The following RSPRY1 variants were observed in gnomAD, a reference collection of about 807,000 sequenced individuals.
The protein encoded by RSPRY1 is ring finger and SPRY domain containing 1.
A neutral mutation model predicts 73.1 loss-of-function variants in RSPRY1; 23 were observed. The observed-to-expected ratio is 0.31, with a 90% CI of 0.23 to 0.45. The LOEUF (loss-of-function observed/expected upper bound fraction) is 0.45. Among genes scored for constraint, RSPRY1 ranks in the 20% least tolerant of loss-of-function variants. The probability of loss-of-function intolerance (pLI) is 1.00; values close to 1 mark genes in which losing one functional copy is unlikely to be tolerated. For missense variants in RSPRY1, 448 were observed against 698.7 expected (o/e 0.64, Z 4.05); for synonymous variants, 226 against 251.4 (o/e 0.90, Z 0.95).
chr16:57,197,307 T>G (rs1043189490), intron 1 of RSPRY1, among the ~76,000 whole-genome samples: 1 of 152,236 alleles, frequency 6.6e-6, no homozygotes, highest in Non-Finnish European at 1.5e-5. Flanking sequence ...TCATCTACTT[T>G]GTTCATTTAT....
At chr16:57,227,282 C>G (rs1173932576) in intron 10 of RSPRY1, 60 bp from the exon 11 acceptor site, 1 of 1,139,970 alleles carries the variant, frequency 8.8e-7, no homozygotes. Context: ...AAGACACACT[C>G]TCTGTTCCCA....
chr16:57,200,434 CGG>C (rs2074549936), intron 1 of RSPRY1, among the ~76,000 whole-genome samples: 1 of 152,056 alleles, frequency 6.6e-6, no homozygotes, highest in African/African-American at 2.4e-5. Context: ...ATCTCCCAGA[CGG>C]GGTGGTGGCC....
rs536856628 is a variant in RSPRY1, at chr16:57,215,917, A to G, written c.703-190A>G. ...ACTTTAAGAAAAAAATACAAGATTA[A>G]GAGAGCCTGTCCAGTTCATTACTAA... On this transcript the variant is annotated intron_variant, in intron 6 of 14. Coordinates refer to ENST00000394420, the MANE Select transcript of RSPRY1 (RefSeq NM_133368.3). Among the ~76,000 whole-genome samples the G allele has an allele frequency of 1.0e-3, 152 of 152,340 alleles. 2 individuals are homozygous for G. Among genetic ancestry groups the G allele is most frequent in the Admixed American group, 9.9e-3 (151 of 15,300 alleles).
chr16:57,213,122 G>A, intron 5 of RSPRY1, 24 bp downstream of exon 5: 1 of 1,596,426 alleles, frequency 6.3e-7, no homozygotes, highest in Non-Finnish European at 8.5e-7. Context: ...ACTCCACAGT[G>A]GAAGATCTTA....
At chr16:57,208,969 C>G (rs1275311857) in intron 3 of RSPRY1, 106 bp from the exon 4 acceptor site, 6 of 734,954 alleles carry the variant, frequency 8.2e-6, no homozygotes, top group Non-Finnish European at 1.3e-5. Context: ...TGCTAAAAAT[C>G]TATAGACCAA....
At chr16:57,201,874 A>T (rs1282936167) in intron 1 of RSPRY1, among the ~76,000 whole-genome samples, 1 of 152,222 alleles carries the variant, frequency 6.6e-6, no homozygotes, top group African/African-American at 2.4e-5. Flanking sequence ...CAGGAGAATC[A>T]GGCAGGGAGT....
At position 57,208,026 on chromosome 16, in the gene RSPRY1, T is replaced by A. The variant is rs758901790; in HGVS notation, c.351-32T>A. 3.8e-5 allele frequency: 52 copies of A among 1,376,032 alleles called. No individual in the cohort carries two copies. In the South Asian group the frequency reaches 6.1e-4, roughly 16 times the overall value. 85.2% of individuals were successfully genotyped at this position (1,376,032 alleles called of 1,614,324 possible). On this transcript the variant is annotated intron_variant, in intron 2 of 14. Transcript: ENST00000394420. Reference sequence around the variant, plus strand: ...TTTGGAATTGTCATTTATTATTTCCTCAGGTTTAATGCCTTGAATTTTTTT... The same window carrying A: ...TTTGGAATTGTCATTTATTATTTCCACAGGTTTAATGCCTTGAATTTTTTT...
At chr16:57,194,815 T>C (rs2074410972) in intron 1 of RSPRY1, among the ~76,000 whole-genome samples, 1 of 152,220 alleles carries the variant, frequency 6.6e-6, no homozygotes, top group Non-Finnish European at 1.5e-5. Context: ...GAATCATTGA[T>C]TCCTGGACCA....
Position 57,239,246 on chromosome 16 carries a change from C to A in RSPRY1, c.*271C>A. On this transcript the variant is annotated 3_prime_UTR_variant, in exon 15 of 15. Transcript: ENST00000394420. ...TACTTCCATGAGAAACCATAGCAGA[C>A]AATGCCCTCCCAAGTACTGAAATCA... The A allele has an allele frequency of 4.8e-6, 1 of 206,388 alleles. No homozygotes were observed. 12.8% of individuals were successfully genotyped at this position (206,388 alleles called of 1,614,324 possible). A position where few individuals can be genotyped will look rare whatever the true frequency, so the allele number is the denominator to read the frequency against.
At chr16:57,189,286 G>C (rs778140769) in intron 1 of RSPRY1, among the ~76,000 whole-genome samples, 1 of 151,968 alleles carries the variant, frequency 6.6e-6, no homozygotes, top group African/African-American at 2.4e-5. Context: ...ATGAGCTACT[G>C]TGCCTGGCCC....
chr16:57,220,549 AT>A, intron 8 of RSPRY1, 182 bp from the exon 9 acceptor site: 1 of 375,506 alleles, frequency 2.7e-6, no homozygotes, highest in Non-Finnish European at 4.9e-6. Flanking sequence ...TTTTTGGCAG[AT>A]TTTTTTAGGT....
chr16:57,225,870 A>G (rs1181487918), intron 10 of RSPRY1, among the ~76,000 whole-genome samples: 1 of 152,154 alleles, frequency 6.6e-6, no homozygotes, highest in African/African-American at 2.4e-5. Context: ...CCTGAGGTCT[A>G]GAGTTCGAGA....
In RSPRY1 at chr16:57,222,896, G is replaced by C. The variant is rs2075061745; in HGVS notation, c.1161+1481G>C. On this transcript the variant is annotated intron_variant, in intron 10 of 14. Coordinates refer to ENST00000394420, the MANE Select transcript of RSPRY1 (RefSeq NM_133368.3). ...AATGTTACAAATGTGTTTTTTTAATGACCAGTGAAGCTGGATCATTTCATC... is the reference window on the plus strand; with the variant it reads ...AATGTTACAAATGTGTTTTTTTAATCACCAGTGAAGCTGGATCATTTCATC... 2.0e-5 allele frequency among the ~76,000 whole-genome samples: 3 copies of C among 152,142 alleles called. No homozygotes were observed. In the South Asian group the frequency reaches 6.2e-4, roughly 32 times the overall value.
chr16:57,236,244 T>G (rs937515675), intron 14 of RSPRY1, among the ~76,000 whole-genome samples: 2 of 152,362 alleles, frequency 1.3e-5, no homozygotes, highest in South Asian at 4.1e-4. Context: ...CTGGATCTGG[T>G]CTTAATCATC....
At position 57,189,055 on chromosome 16, in the gene RSPRY1, G is replaced by A. The variant is rs1396851271; in HGVS notation, c.-156+2604G>A. Among the ~76,000 whole-genome samples, 5 of 147,468 alleles carry A rather than the reference G, an allele frequency of 3.4e-5. No homozygotes were observed. In the Admixed American group the frequency reaches 3.4e-4, roughly 10 times the overall value. On this transcript the variant is annotated intron_variant, in intron 1 of 14. Transcript: ENST00000394420. ...GTTCCTCAGGCTGGAGTGCAATGGC[G>A]CGATCTCAGCTCACTGCAACCTCTG... is the stretch of plus-strand genomic sequence containing the variant.
In RSPRY1 at chr16:57,239,300, T is replaced by C. The variant is rs1268719587; in HGVS notation, c.*325T>C. 1 of 165,800 alleles carries C rather than the reference T, an allele frequency of 6.0e-6. No homozygotes were observed. Among genetic ancestry groups the C allele is most frequent in the Non-Finnish European group, 1.3e-5 (1 of 76,848 alleles). 10.3% of individuals were successfully genotyped at this position (165,800 alleles called of 1,614,324 possible). A position where few individuals can be genotyped will look rare whatever the true frequency, so the allele number is the denominator to read the frequency against. On this transcript the variant is annotated 3_prime_UTR_variant, in exon 15 of 15. Transcript: ENST00000394420. ...TGGAATCCCCCTTGTTGGGTTCATTTGATTGTTTAACACAGGATGTGTTGT... is the reference window on the plus strand; with the variant it reads ...TGGAATCCCCCTTGTTGGGTTCATTCGATTGTTTAACACAGGATGTGTTGT...
At chr16:57,186,801 C>CT (rs2074205253) in intron 1 of RSPRY1, 2 of 152,410 alleles carry the variant, frequency 1.3e-5, no homozygotes, top group South Asian at 4.2e-4. Context: ...AGGCAGCTAT[C>CT]TATCTCCTGG....
At chr16:57,225,032 G>T (rs1257810604) in intron 10 of RSPRY1, among the ~76,000 whole-genome samples, 2 of 152,206 alleles carry the variant, frequency 1.3e-5, no homozygotes, top group Admixed American at 6.5e-5. Flanking sequence ...GTGTGGCAAG[G>T]CATTCTTTCT....
At chr16:57,203,526 T>C (rs1421254534) in intron 1 of RSPRY1, among the ~76,000 whole-genome samples, 1 of 152,228 alleles carries the variant, frequency 6.6e-6, no homozygotes, top group African/African-American at 2.4e-5. Context: ...TTTTACTTTT[T>C]GCTACCAGCC....
Sources: allele counts gnomAD v4.1 joint callset (sites outside exome capture counted in the v4.1 genomes callset), GRCh38; gene constraint gnomAD v4.1.1; transcripts MANE v1.5; gene names NCBI Gene and HGNC (gene_info 2026-07-23, HGNC 2026-07-21).